NFIB: variants seen among roughly 807,000 people sequenced by gnomAD.
NFIB encodes nuclear factor I B.
Under a neutral mutation model 61.5 loss-of-function variants are expected in NFIB, and 11 were observed. The ratio of observed to expected loss-of-function variants is 0.18; its 90% CI spans 0.11 to 0.30. The LOEUF is 0.30. Ranked by LOEUF, NFIB falls within the 10% of genes least tolerant of loss-of-function variation. NFIB has a pLI of 1.00. For synonymous variants in NFIB, 260 were observed against 216.5 expected (o/e 1.20, Z -1.76); for missense variants, 471 against 608.9 (o/e 0.77, Z 2.38).
At chr9:14,108,883 TTGAA>T (rs1394319132) in intron 10 of NFIB, among the ~76,000 whole-genome samples, 2 of 152,104 alleles carry the variant, frequency 1.3e-5, no homozygotes, top group African/African-American at 4.8e-5. Context: ...AATGGCTTGT[TTGAA>T]TGGTGAACTT....
chr9:14,359,236 G>GA (rs760798415), intron 1 of NFIB, among the ~76,000 whole-genome samples: 10 of 152,202 alleles, frequency 6.6e-5, no homozygotes, highest in Non-Finnish European at 8.8e-5. Context: ...TTGTGAATGT[G>GA]ACCTTATTTG....
rs1462645470 is a variant in NFIB at position 14,280,784 on chromosome 9, AG to A, written c.562+26204del. On this transcript the variant is annotated intron_variant, in intron 2 of 10. Coordinates refer to ENST00000380953, the MANE Select transcript of NFIB (RefSeq NM_001190737.2). ...TTTACTATTTTACGAGTAGTAAAATAGGGAAAAGAATCCTCAGGTATAGAAG... is the reference window on the plus strand; with the variant it reads ...TTTACTATTTTACGAGTAGTAAAATAGGAAAAGAATCCTCAGGTATAGAAG... Among the ~76,000 whole-genome samples, 6 of 152,162 alleles carry A rather than the reference AG, an allele frequency of 3.9e-5. No individual in the cohort carries two copies. The East Asian group carries it at 1.2e-3, about 29-fold the overall frequency.
the NFIB span, among the ~76,000 whole-genome samples, chr9:14,423,632 T>C: frequency 6.6e-6 from 1 of 152,164 alleles, no homozygotes; most frequent in Non-Finnish European, 1.5e-5. Flanking sequence ...TAAAAACTCA[T>C]CTATGTCCCT....
intron 2 of NFIB, 47 bp downstream of exon 2, chr9:14,306,942 T>C: frequency 6.3e-7 from 1 of 1,597,192 alleles, no homozygotes; most frequent in South Asian, 1.1e-5. Context: ...TACGGAGATT[T>C]GTAGGCGGTG....
intron 4 of NFIB, among the ~76,000 whole-genome samples, chr9:14,154,880 T>C (rs2043225051): frequency 6.6e-6 from 1 of 152,180 alleles, no homozygotes; most frequent in Non-Finnish European, 1.5e-5. Flanking sequence ...CACTGCTTAT[T>C]CTTATCCTCA....
intron 10 of NFIB, among the ~76,000 whole-genome samples, chr9:14,100,705 C>G (rs532665029): frequency 1.3e-5 from 2 of 152,334 alleles, no homozygotes; most frequent in African/African-American, 4.8e-5. Context: ...CAGAGCGAGA[C>G]TCCGTCTCAA....
the NFIB span, among the ~76,000 whole-genome samples, chr9:14,463,729 C>T: frequency 1.2e-4 from 17 of 139,050 alleles, no homozygotes; most frequent in Non-Finnish European, 2.0e-4. Flanking sequence ...GGCGCAATCT[C>T]GGCTCACCGC....
At chr9:14,444,252 A>G in the NFIB span, among the ~76,000 whole-genome samples, 21 of 152,216 alleles carry the variant, frequency 1.4e-4, no homozygotes, top group Non-Finnish European at 2.8e-4. Flanking sequence ...TATATAGATG[A>G]TGTTAAAACC....
chr9:14,496,932 CT>C, the NFIB span, among the ~76,000 whole-genome samples: 27 of 152,288 alleles, frequency 1.8e-4, no homozygotes, highest in South Asian at 5.4e-3. Flanking sequence ...ATTTCTTTTT[CT>C]ACAAATTGGC....
intron 2 of NFIB, among the ~76,000 whole-genome samples, chr9:14,186,037 CTT>C (rs2047302487): frequency 6.6e-6 from 1 of 152,090 alleles, no homozygotes; most frequent in African/African-American, 2.4e-5. Flanking sequence ...TTTAGGAACT[CTT>C]TTTATTCTCT....
At chr9:14,513,379 CA>C in the NFIB span, among the ~76,000 whole-genome samples, 1 of 151,754 alleles carries the variant, frequency 6.6e-6, no homozygotes, top group African/African-American at 2.4e-5. Context: ...CCTGTAATCC[CA>C]GCACTTTGGG....
At chr9:14,477,514 G>C in the NFIB span, among the ~76,000 whole-genome samples, 1 of 152,096 alleles carries the variant, frequency 6.6e-6, no homozygotes, top group East Asian at 1.9e-4. Context: ...TAATAATTGA[G>C]GAGTAATTCC....
chr9:14,436,915 G>T, the NFIB span, among the ~76,000 whole-genome samples: 2 of 151,548 alleles, frequency 1.3e-5, no homozygotes, highest in Non-Finnish European at 2.9e-5. Flanking sequence ...TAATATATGA[G>T]CTGGCACCCC....
intron 1 of NFIB, among the ~76,000 whole-genome samples, chr9:14,392,609 T>C (rs1459655608): frequency 5.9e-5 from 9 of 151,962 alleles, no homozygotes; most frequent in Admixed American, 5.2e-4. Context: ...ACACCTGTAG[T>C]CCCAGCTACT....
At chr9:14,398,278 C>G (rs1018469042) in intron 1 of NFIB, among the ~76,000 whole-genome samples, 1 of 152,112 alleles carries the variant, frequency 6.6e-6, no homozygotes, top group South Asian at 2.1e-4. Flanking sequence ...TGTTTCTTTT[C>G]CCCGAAACAT....
chr9:14,339,879 C>CCCT (rs2132871115), intron 1 of NFIB, among the ~76,000 whole-genome samples: 1 of 152,272 alleles, frequency 6.6e-6, no homozygotes, highest in South Asian at 2.1e-4. Flanking sequence ...GAAAGACAGT[C>CCCT]GTCAGTGGCA....
At chr9:14,456,731 T>C in the NFIB span, among the ~76,000 whole-genome samples, 1 of 152,202 alleles carries the variant, frequency 6.6e-6, no homozygotes, top group Admixed American at 6.5e-5. Flanking sequence ...ATGGAAGCAC[T>C]TCCGGTAGGG....
chr9:14,216,041 T>C (rs1454714610), intron 2 of NFIB, among the ~76,000 whole-genome samples: 2 of 152,186 alleles, frequency 1.3e-5, no homozygotes, highest in African/African-American at 4.8e-5. Flanking sequence ...AGCTGGTATA[T>C]TTTCAATTCT....
intron 1 of NFIB, among the ~76,000 whole-genome samples, chr9:14,367,554 T>C (rs1468106660): frequency 6.6e-6 from 1 of 152,078 alleles, no homozygotes; most frequent in Non-Finnish European, 1.5e-5. Flanking sequence ...TGTATTTTCG[T>C]TGATAGGGAA....
Sources: allele counts gnomAD v4.1 joint callset (sites outside exome capture counted in the v4.1 genomes callset), GRCh38; gene constraint gnomAD v4.1.1; transcripts MANE v1.5; gene names NCBI Gene and HGNC (gene_info 2026-07-23, HGNC 2026-07-21).